The following LPCAT1 variants were observed in gnomAD, a reference collection of about 807,000 sequenced individuals.
LPCAT1 encodes 1-acylglycerol-3-phosphate O-acyltransferase.
LPCAT1 carries 23 observed loss-of-function variants against 60.9 expected under a neutral mutation model. The ratio of observed to expected loss-of-function variants is 0.38; its 90% confidence interval spans 0.27 to 0.53. LPCAT1 has a LOEUF of 0.53. Ranked by LOEUF, LPCAT1 falls within the 20% of genes least tolerant of loss-of-function variation. The pLI is 0.82. For missense variants in LPCAT1, 622 were observed against 723.6 expected, an observed-to-expected ratio of 0.86 and a Z score of 1.61; for synonymous variants, 340 against 301.1, an observed-to-expected ratio of 1.13 and a Z score of -1.34.
At chr5:1,474,162 T>G in intron 10 of LPCAT1, 52 bp from the exon 11 acceptor site, 34 of 1,532,164 alleles carry the variant, frequency 2.2e-5, no homozygotes, top group Non-Finnish European at 2.9e-5. Flanking sequence ...GGTGGCATGC[T>G]AACACCAGAT....
At chr5:1,464,998 CAAT>C (rs1028437783) in intron 13 of LPCAT1, among the ~76,000 whole-genome samples, 6 of 150,530 alleles carry the variant, frequency 4.0e-5, no homozygotes, top group East Asian at 2.0e-4. Flanking sequence ...TGCAGGCACA[CAAT>C]AACATGCACA....
Position 1,489,805 on chromosome 5 carries a change from G to A in LPCAT1, c.547C>T (p.Arg183Cys), listed in dbSNP as rs1442061109. ...VFVSRSDQDS[R>C]RKTVEEIKRR... ...TTGATTTCTTCTACTGTTTTCCTGC[G>A]AGAATCCTGGTCTGACCGGGACACG... is the stretch of plus-strand genomic sequence containing the variant. Residue 183 changes from arginine (R) to cysteine (C), a missense_variant, in exon 4 of 14, where the codon CGC (arginine) becomes TGC (cysteine). Physicochemically the swap from Arg to Cys is radical, Grantham distance 180 (BLOSUM62 -3). This residue lies in a region of LPCAT1 where 209 missense variants were observed against 325.5 expected (regional missense o/e 0.64). Transcript: ENST00000283415. The A allele has an allele frequency of 3.7e-6, 6 of 1,614,204 alleles. No homozygotes were observed. The highest frequency in any genetic ancestry group is 2.2e-5 in the South Asian group (2 of 91,088).
chr5:1,487,860 C>A lies in LPCAT1; in HGVS notation c.667+531G>T, dbSNP rs557540456. Reference sequence around the variant, plus strand: ...TGCCTGCTCACTGCCACACTTCCCACGTCAGGGGTGCAGACACAATACTAG... The same window carrying A: ...TGCCTGCTCACTGCCACACTTCCCAAGTCAGGGGTGCAGACACAATACTAG... On this transcript the variant is annotated intron_variant, in intron 5 of 13. Transcript: ENST00000283415. This position sits in a 1 kb window ranked among gnomAD's most constrained non-coding sequence, Gnocchi z 6.1. Among the ~76,000 whole-genome samples the A allele has an allele frequency of 6.6e-6, 1 of 152,296 alleles. No homozygotes were observed. The highest frequency in any genetic ancestry group is 2.1e-4 in the South Asian group (1 of 4,820).
chr5:1,490,911 C>T (rs1054346416), intron 3 of LPCAT1, among the ~76,000 whole-genome samples: 2 of 152,214 alleles, frequency 1.3e-5, no homozygotes, highest in African/African-American at 4.8e-5. Context: ...TCTGACCCCA[C>T]CACGGGCTCC....
chr5:1,518,454 C>T (rs564378868), intron 1 of LPCAT1, among the ~76,000 whole-genome samples: 2 of 152,230 alleles, frequency 1.3e-5, no homozygotes, highest in Non-Finnish European at 2.9e-5. Context: ...CATTCTCCTG[C>T]CTCAGCCTCC....
intron 2 of LPCAT1, among the ~76,000 whole-genome samples, chr5:1,500,599 C>T (rs906231608): frequency 5.9e-5 from 9 of 152,272 alleles, no homozygotes; most frequent in East Asian, 3.9e-4. Context: ...GGGAAGGACC[C>T]GAGCCTCCTG....
In LPCAT1 at chr5:1,515,790, T is replaced by G. The variant is rs1045105313; in HGVS notation, c.135+7920A>C. ...CACTCCCCCGAGCTGCAGGAGTGCC[T>G]CTGTCCCCACAATTCTGGGTCTGCG... On this transcript the variant is annotated intron_variant, in intron 1 of 13. Coordinates refer to ENST00000283415, the MANE Select transcript of LPCAT1 (RefSeq NM_024830.5). Among the ~76,000 whole-genome samples the G allele has an allele frequency of 1.1e-4, 17 of 151,946 alleles. No individual in the cohort carries two copies. The East Asian group carries it at 3.3e-3, about 30-fold the overall frequency.
At chr5:1,467,828 G>A (rs113274731) in intron 12 of LPCAT1, among the ~76,000 whole-genome samples, 2 of 152,120 alleles carry the variant, frequency 1.3e-5, no homozygotes, top group Middle Eastern at 3.2e-3. Context: ...TCTTCTACCT[G>A]GTTCTTCCCC....
intron 1 of LPCAT1, among the ~76,000 whole-genome samples, chr5:1,508,036 G>A (rs1032657561): frequency 6.6e-6 from 1 of 152,182 alleles, no homozygotes; most frequent in East Asian, 1.9e-4. Context: ...GGACACAGAA[G>A]GTGCCATCTA....
At chr5:1,488,272 C>T in intron 5 of LPCAT1, 119 bp downstream of exon 5, 1 of 595,480 alleles carries the variant, frequency 1.7e-6, no homozygotes, top group South Asian at 2.5e-5. Context: ...TCTAAGAACC[C>T]CAGCACACAG....
At chr5:1,497,938 AGATGGTCGG>A (rs1247562646) in intron 2 of LPCAT1, among the ~76,000 whole-genome samples, 1 of 152,266 alleles carries the variant, frequency 6.6e-6, no homozygotes, top group Non-Finnish European at 1.5e-5. Flanking sequence ...ATTCAGCGCC[AGATGGTCGG>A]GTTTTGCAAA....
intron 10 of LPCAT1, 86 bp downstream of exon 10, chr5:1,474,474 C>T (rs535534080): frequency 6.6e-7 from 1 of 1,503,830 alleles, no homozygotes; most frequent in Non-Finnish European, 9.1e-7. Flanking sequence ...CCTCAGTTCC[C>T]CTCCCTGCAA....
chr5:1,470,899 C>T lies in LPCAT1; in HGVS notation c.1205G>A (p.Arg402Gln), dbSNP rs1366324705. 8.7e-6 allele frequency: 14 copies of T among 1,613,246 alleles called. No individual in the cohort carries two copies. The highest frequency in any genetic ancestry group is 2.7e-5 in the African/African-American group (2 of 74,940). ...DESGSGEVDL[R>Q]ECVVALSVVC... ...GACAGACAGGGCAACCACACACTCT[C>T]GCAGGTCCACCTCGCCGCTGCCGCT... The change falls in exon 12 of 14, where the codon CGA becomes CAA. Residue 402 changes from arginine (R) to glutamine (Q), a missense_variant. Physicochemically the swap from Arg to Gln is conservative, Grantham distance 43. Around this residue, in one of 3 missense-constraint regions of LPCAT1, gnomAD observed 288 missense variants for 283.6 expected, o/e 1.02. Coordinates refer to ENST00000283415, the MANE Select transcript of LPCAT1 (RefSeq NM_024830.5).
chr5:1,509,259 G>A (rs990150581), intron 1 of LPCAT1, among the ~76,000 whole-genome samples: 4 of 152,260 alleles, frequency 2.6e-5, no homozygotes, highest in African/African-American at 9.6e-5. Context: ...GCGCGGTGGA[G>A]GCAGCTCACA....
At chr5:1,467,924 GCCCTGACT>G (rs1457774192) in intron 12 of LPCAT1, among the ~76,000 whole-genome samples, 1 of 152,084 alleles carries the variant, frequency 6.6e-6, no homozygotes, top group African/African-American at 2.4e-5. Context: ...CGGGGCCGTC[GCCCTGACT>G]CCGAGTCCCC....
intron 5 of LPCAT1, 23 bp downstream of exon 5, chr5:1,488,368 A>G (rs1467922231): frequency 6.8e-7 from 1 of 1,478,250 alleles, no homozygotes; most frequent in East Asian, 2.3e-5. Flanking sequence ...GGAGAAAAAT[A>G]AACATTTAAG....
At chr5:1,464,694 G>T (rs1049163725) in intron 13 of LPCAT1, among the ~76,000 whole-genome samples, 1 of 128,084 alleles carries the variant, frequency 7.8e-6, no homozygotes, top group African/African-American at 3.2e-5. Flanking sequence ...AAACACATGC[G>T]TGCACACACA....
rs1736063120 is a variant in LPCAT1, at chr5:1,502,698, C to T, written c.136-1095G>A. On this transcript the variant is annotated intron_variant, in intron 1 of 13. Coordinates refer to ENST00000283415, the MANE Select transcript of LPCAT1 (RefSeq NM_024830.5). This position sits in a 1 kb window ranked among gnomAD's most constrained non-coding sequence, Gnocchi z 5.5. Reference sequence around the variant, plus strand: ...CCAGTCCTGAGGTGCAGGTTTAGTGCAGAGACAGAAAAGACCCAGGAGACA... The same window carrying T: ...CCAGTCCTGAGGTGCAGGTTTAGTGTAGAGACAGAAAAGACCCAGGAGACA... Among the ~76,000 whole-genome samples, 1 of 152,082 alleles carries T rather than the reference C, an allele frequency of 6.6e-6. No homozygotes were observed. The highest frequency in any genetic ancestry group is 1.5e-5 in the Non-Finnish European group (1 of 68,022).
intron 8 of LPCAT1, among the ~76,000 whole-genome samples, chr5:1,478,603 G>C (rs535574707): frequency 6.6e-6 from 1 of 152,252 alleles, no homozygotes; most frequent in South Asian, 2.1e-4. Context: ...GGGAACTGCC[G>C]CCCTCAGGCC....
Sources: gnomAD v4.1 joint callset for allele counts (sites outside exome capture counted in the v4.1 genomes callset) on GRCh38, gnomAD v4.1.1 for gene constraint, gnomAD v4.1.1 regional missense constraint, Gnocchi (gnomAD v3.1) non-coding constraint, MANE v1.5 for transcripts, NCBI Gene and HGNC (gene_info 2026-07-23, HGNC 2026-07-21) for gene names.